Variants in AFF3 observed in about 807,000 individuals in gnomAD.
The protein encoded by AFF3 is ALF transcription elongation factor 3, also known as AF4/FMR2 family member 3.
In AFF3, 32 loss-of-function variants were observed where a neutral mutation model predicts 129.7. The observed-to-expected ratio is 0.25, with a 90% CI of 0.19 to 0.33. AFF3 has a LOEUF of 0.33. Among genes scored for constraint, AFF3 ranks in the 10% least tolerant of loss-of-function variants. The pLI, the probability that AFF3 is intolerant of heterozygous loss-of-function variation, is 1.00. For synonymous variants in AFF3, 644 were observed against 635.4 expected, an observed-to-expected ratio of 1.01 and a Z score of -0.20; for missense variants, 1,373 against 1,592.0, an observed-to-expected ratio of 0.86 and a Z score of 2.34.
At chr2:99,690,341 C>T (rs1032417596) in intron 11 of AFF3, among the ~76,000 whole-genome samples, 14 of 151,104 alleles carry the variant, frequency 9.3e-5, no homozygotes, top group African/African-American at 2.4e-4. Flanking sequence ...CCACCACGCC[C>T]GGCTAATTTT....
At chr2:99,635,503 T>C (rs193191575) in intron 13 of AFF3, among the ~76,000 whole-genome samples, 1 of 152,232 alleles carries the variant, frequency 6.6e-6, no homozygotes, top group African/African-American at 2.4e-5. Context: ...GGTCTTGCCA[T>C]GGCACCCAGG....
At chr2:99,620,048 C>T (rs1169876889) in intron 13 of AFF3, among the ~76,000 whole-genome samples, 1 of 152,172 alleles carries the variant, frequency 6.6e-6, no homozygotes, top group Non-Finnish European at 1.5e-5. Flanking sequence ...TGGTGTCTCC[C>T]TCATGCAGAA....
At chr2:99,756,980 T>C (rs1284941397) in intron 8 of AFF3, among the ~76,000 whole-genome samples, 3 of 152,212 alleles carry the variant, frequency 2.0e-5, no homozygotes, top group Non-Finnish European at 2.9e-5. Flanking sequence ...GTCAAGGGCA[T>C]TGGATTTCCT....
Position 100,104,488 on chromosome 2 carries a change from C to T in AFF3, c.-34G>A, listed in dbSNP as rs1251545015. 2 of 1,301,432 alleles carry T rather than the reference C, an allele frequency of 1.5e-6. No homozygotes were observed. Among genetic ancestry groups the T allele is most frequent in the Non-Finnish European group, 2.0e-6 (2 of 999,606 alleles). 80.6% of individuals were successfully genotyped at this position (1,301,432 alleles called of 1,614,324 possible). The stretch of plus-strand genomic sequence containing the variant: ...GTGTCAGCGTCGCCGCCGCCGCTAC[C>T]GCCGCCGCCGAGGCTCGGGCCGCCC... On this transcript the variant is annotated 5_prime_UTR_variant, in exon 4 of 25. Coordinates refer to ENST00000672756, the MANE Select transcript of AFF3 (RefSeq NM_001386135.1).
chr2:99,554,200 GA>G, intron 24 of AFF3, 110 bp downstream of exon 24: 1 of 1,153,224 alleles, frequency 8.7e-7, no homozygotes, highest in Non-Finnish European at 1.3e-6. Context: ...GTCAAATGAA[GA>G]AAGGATATAC....
At chr2:99,765,594 T>C (rs1018623023) in intron 8 of AFF3, among the ~76,000 whole-genome samples, 4 of 152,186 alleles carry the variant, frequency 2.6e-5, no homozygotes, top group Admixed American at 2.6e-4. Flanking sequence ...GAGTGGTTAG[T>C]GATAAATATA....
intron 8 of AFF3, among the ~76,000 whole-genome samples, chr2:99,804,038 C>T (rs1686156422): frequency 6.6e-6 from 1 of 152,048 alleles, no homozygotes; most frequent in Non-Finnish European, 1.5e-5. Flanking sequence ...GAATTTATGA[C>T]TAAGAACCCA....
In AFF3 at chr2:99,651,942, C is replaced by G. The variant is rs565229783; in HGVS notation, c.1144-2276G>C. Among the ~76,000 whole-genome samples the G allele has an allele frequency of 5.9e-5, 9 of 152,216 alleles. No individual in the cohort carries two copies. The South Asian group carries it at 1.9e-3, about 32-fold the overall frequency. ...ATAAAAGTAGAAGCAGTTATCGTCC[C>G]AGAAAAGCTCCTTCCTAAGGTAGGA... On this transcript the variant is annotated intron_variant, in intron 12 of 24. Transcript: ENST00000672756.
At chr2:100,041,606 G>T (rs1218733773) in intron 4 of AFF3, among the ~76,000 whole-genome samples, 1 of 152,154 alleles carries the variant, frequency 6.6e-6, no homozygotes, top group Non-Finnish European at 1.5e-5. Context: ...ATTTTGACAT[G>T]TAGCCACAGG....
At chr2:99,805,821 C>T (rs1056630807) in intron 8 of AFF3, among the ~76,000 whole-genome samples, 100 of 150,368 alleles carry the variant, frequency 6.7e-4, no homozygotes, top group African/African-American at 2.4e-3. Flanking sequence ...CTTACACACA[C>T]ACACACACAC....
intron 4 of AFF3, among the ~76,000 whole-genome samples, chr2:100,019,016 G>A (rs1297971843): frequency 6.6e-6 from 1 of 152,118 alleles, no homozygotes; most frequent in African/African-American, 2.4e-5. Context: ...TTTATAACAT[G>A]CTTATGTTTT....
At chr2:100,037,998 A>C in intron 4 of AFF3, among the ~76,000 whole-genome samples, 1 of 151,288 alleles carries the variant, frequency 6.6e-6, no homozygotes, top group African/African-American at 2.4e-5. Context: ...CAGACTCTGA[A>C]ATGACGATGG....
At chr2:99,603,883 A>ATCAC (rs1289286893) in intron 13 of AFF3, among the ~76,000 whole-genome samples, 1 of 152,242 alleles carries the variant, frequency 6.6e-6, no homozygotes, top group East Asian at 1.9e-4. Context: ...AAAGCTCAAT[A>ATCAC]TCACTGCTCA....
At chr2:100,119,155 G>A (rs1691849915) in intron 2 of AFF3, among the ~76,000 whole-genome samples, 1 of 152,170 alleles carries the variant, frequency 6.6e-6, no homozygotes, top group Admixed American at 6.5e-5. Flanking sequence ...ATGCAGAGAT[G>A]TGTGAGACCC....
chr2:99,609,060 C>T (rs1051269804), intron 13 of AFF3, among the ~76,000 whole-genome samples: 1 of 152,008 alleles, frequency 6.6e-6, no homozygotes, highest in East Asian at 1.9e-4. Context: ...AAGGGGTGAA[C>T]CAAACACTCT....
At chr2:100,040,144 G>A (rs1685302218) in intron 4 of AFF3, among the ~76,000 whole-genome samples, 1 of 151,938 alleles carries the variant, frequency 6.6e-6, no homozygotes, top group African/African-American at 2.4e-5. Context: ...CCCTTTTCAC[G>A]ACCCTCCACG....
chr2:99,983,282 T>C (rs895758323), intron 7 of AFF3, among the ~76,000 whole-genome samples: 1 of 152,224 alleles, frequency 6.6e-6, no homozygotes, highest in East Asian at 1.9e-4. Context: ...ATTCTTCATC[T>C]AGCCCATTTG....
At chr2:99,959,758 T>C (rs1297990057) in intron 7 of AFF3, among the ~76,000 whole-genome samples, 1 of 151,126 alleles carries the variant, frequency 6.6e-6, no homozygotes, top group Non-Finnish European at 1.5e-5. Context: ...AAATCAGTCA[T>C]GTGTTTCTCC....
chr2:99,593,654 C>G lies in AFF3; in HGVS notation c.2007G>C (p.Glu669Asp). 6.2e-7 allele frequency: 1 copy of G among 1,606,722 alleles called. No individual in the cohort carries two copies. The highest frequency in any genetic ancestry group is 1.1e-5 in the South Asian group (1 of 90,898). Reference protein sequence around the residue: ...VPKSKEFIETESSSSSSSSDS... With the variant: ...VPKSKEFIETDSSSSSSSSDS... ...CCGAGGAGGAGGATGAAGATGACGA[C>G]TCTGTCTCAATGAACTCCTTGGATT... Residue 669 changes from glutamate to aspartate, a missense_variant, in exon 15 of 25, where the codon GAG becomes GAC. This residue lies in a region of AFF3 where 466 missense variants were observed against 505.0 expected (regional missense o/e 0.92). Transcript: ENST00000672756.
Sources: gnomAD v4.1 joint callset for allele counts (sites outside exome capture counted in the v4.1 genomes callset) on GRCh38, gnomAD v4.1.1 for gene constraint, gnomAD v4.1.1 regional missense constraint, MANE v1.5 for transcripts, NCBI Gene and HGNC (gene_info 2026-07-23, HGNC 2026-07-21) for gene names.